The following DLG5 variants were observed in gnomAD, a reference collection of about 807,000 sequenced individuals.
The protein encoded by DLG5 is disks large homolog 5.
DLG5 carries 48 observed loss-of-function variants against 189.8 expected under a neutral mutation model. The ratio of observed to expected loss-of-function variants is 0.25; its 90% CI spans 0.20 to 0.32. The LOEUF (loss-of-function observed/expected upper bound fraction) is 0.32. DLG5 is among the 10% of genes least tolerant of loss of function. The pLI is 1.00. For missense variants in DLG5, 2,160 were observed against 2,544.7 expected (o/e 0.85, Z 3.25); for synonymous variants, 1,016 against 1,054.1 (o/e 0.96, Z 0.70).
chr10:77,890,662 C>A (rs554219349), intron 1 of DLG5, among the ~76,000 whole-genome samples: 1 of 152,294 alleles, frequency 6.6e-6, no homozygotes, highest in South Asian at 2.1e-4. Flanking sequence ...ACTAAAAATA[C>A]AAAATTAGCT....
intron 5 of DLG5, among the ~76,000 whole-genome samples, chr10:77,849,676 A>T (rs1188177851): frequency 1.3e-5 from 2 of 152,140 alleles, no homozygotes; most frequent in Non-Finnish European, 2.9e-5. Context: ...GAGAGCAGGG[A>T]ATGGGCTGCA....
In DLG5 at chr10:77,796,409, CAA is replaced by C; in HGVS notation, c.5308+40_5308+41del. On this transcript the variant is annotated intron_variant, in intron 28 of 31. Coordinates refer to ENST00000372391, the MANE Select transcript of DLG5 (RefSeq NM_004747.4). This position sits in a 1 kb window ranked among gnomAD's most constrained non-coding sequence, Gnocchi z 5.2. ...AGGCAGGTGGACAGGGACATAGAGACAAAGAGCCCAGTAGGCACAGAGGGTGC... is the reference window on the plus strand; with the variant it reads ...AGGCAGGTGGACAGGGACATAGAGACAGAGCCCAGTAGGCACAGAGGGTGC... 1 of 1,613,924 alleles carries C rather than the reference CAA, an allele frequency of 6.2e-7. No individual in the cohort carries two copies. The highest frequency in any genetic ancestry group is 8.5e-7 in the Non-Finnish European group (1 of 1,179,906).
chr10:77,889,945 T>A (rs1462055996), intron 1 of DLG5, among the ~76,000 whole-genome samples: 1 of 151,676 alleles, frequency 6.6e-6, no homozygotes, highest in Non-Finnish European at 1.5e-5. Context: ...GTGCAGAAGA[T>A]CCCAAAGCCA....
intron 1 of DLG5, among the ~76,000 whole-genome samples, chr10:77,883,691 CTTTTTTTTTT>C (rs36028891): frequency 3.1e-5 from 3 of 96,460 alleles, no homozygotes; most frequent in East Asian, 3.1e-4. Context: ...TAACATTGTT[CTTTTTTTTTT>C]TTTTTTTTTT....
chr10:77,797,428 C>T (rs1254372531), intron 27 of DLG5, among the ~76,000 whole-genome samples: 1 of 152,200 alleles, frequency 6.6e-6, no homozygotes, highest in Admixed American at 6.5e-5. Flanking sequence ...TTAAAAAGCA[C>T]ACACTTTAAC....
chr10:77,814,798 C>T (rs999815422), intron 20 of DLG5, among the ~76,000 whole-genome samples: 1 of 152,094 alleles, frequency 6.6e-6, no homozygotes, highest in African/African-American at 2.4e-5. Context: ...TGGTCTTGAA[C>T]TCCTGACCTC....
chr10:77,820,063 T>C, intron 15 of DLG5, 45 bp from the exon 16 acceptor site: 1 of 1,607,834 alleles, frequency 6.2e-7, no homozygotes, highest in Non-Finnish European at 8.5e-7. Flanking sequence ...GAGTGGAGTG[T>C]GGCCAGGCGC....
the DLG5 span, among the ~76,000 whole-genome samples, chr10:77,933,341 C>T: frequency 6.6e-6 from 1 of 151,888 alleles, no homozygotes; most frequent in Non-Finnish European, 1.5e-5. Context: ...GGCTGGAGTG[C>T]AATGGCGTGA....
At chr10:77,813,763 T>C (rs1297579308) in intron 20 of DLG5, among the ~76,000 whole-genome samples, 2 of 152,086 alleles carry the variant, frequency 1.3e-5, no homozygotes, top group Non-Finnish European at 2.9e-5. Flanking sequence ...AATAGAACAA[T>C]GATCTGAACC....
chr10:77,807,973 A>G, intron 24 of DLG5, 29 bp from the exon 25 acceptor site: 1 of 1,612,760 alleles, frequency 6.2e-7, no homozygotes, highest in Non-Finnish European at 8.5e-7. Context: ...GATGCATCAG[A>G]AGGCAGAAGC....
chr10:77,829,449 A>G lies in DLG5; in HGVS notation c.2091T>C (p.Asn697=). ...CGACCATGTTGATGGCCCCCTCCCC[A>G]TTGAGGAGCGCCTTGATGGCCTGCT... ...DKKQAIKALL[N]GEGAINMVVR... Residue 697 remains asparagine, a synonymous_variant, in exon 12 of 32, where the codon AAT becomes AAC. Coordinates refer to ENST00000372391, the MANE Select transcript of DLG5 (RefSeq NM_004747.4). The G allele has an allele frequency of 6.2e-7, 1 of 1,614,070 alleles. No homozygotes were observed. Among genetic ancestry groups the G allele is most frequent in the Non-Finnish European group, 8.5e-7 (1 of 1,180,006 alleles).
chr10:77,934,633 G>A, the DLG5 span, among the ~76,000 whole-genome samples: 1 of 152,074 alleles, frequency 6.6e-6, no homozygotes, highest in African/African-American at 2.4e-5. Flanking sequence ...AGCCAGCAAG[G>A]AGCCAGGAAC....
chr10:77,846,508 C>A (rs1240341776), intron 5 of DLG5, among the ~76,000 whole-genome samples: 1 of 152,050 alleles, frequency 6.6e-6, no homozygotes, highest in African/African-American at 2.4e-5. Context: ...ACCAGCCTGG[C>A]TAACATGGTG....
intron 1 of DLG5, among the ~76,000 whole-genome samples, chr10:77,918,730 T>C (rs1334454626): frequency 1.3e-5 from 2 of 152,064 alleles, no homozygotes; most frequent in African/African-American, 4.8e-5. Flanking sequence ...CCCAGCGCAA[T>C]CCCATTTAAG....
intron 1 of DLG5, among the ~76,000 whole-genome samples, chr10:77,875,993 C>G (rs1845075845): frequency 6.6e-6 from 1 of 152,024 alleles, no homozygotes; most frequent in South Asian, 2.1e-4. Flanking sequence ...TGGAATGGAG[C>G]AACCACAGAC....
At chr10:77,923,207 A>G (rs1158184677) in intron 1 of DLG5, among the ~76,000 whole-genome samples, 1 of 152,200 alleles carries the variant, frequency 6.6e-6, no homozygotes, top group Non-Finnish European at 1.5e-5. Context: ...AGGCTCCGCA[A>G]TGGCCTCGAA....
At position 77,812,377 on chromosome 10, in the gene DLG5, C is replaced by T; in HGVS notation, c.4026G>A (p.Arg1342=). Residue 1342 remains arginine, a splice_region_variant and synonymous_variant, in exon 21 of 32, where the codon AGG becomes AGA. Coordinates refer to ENST00000372391, the MANE Select transcript of DLG5 (RefSeq NM_004747.4). ...CGTGGCGTGGCTCCTCCACATAAGG[C>T]CTAAGGAAAAGTCAAAAGTTTCGGG... ...PASLGERRKD[R]PYVEEPRHVK... 1 of 1,604,792 alleles carries T rather than the reference C, an allele frequency of 6.2e-7. No individual in the cohort carries two copies. The highest frequency in any genetic ancestry group is 1.7e-5 in the Admixed American group (1 of 59,874).
chr10:77,823,876 G>A (rs1842489026), intron 14 of DLG5, among the ~76,000 whole-genome samples: 1 of 152,108 alleles, frequency 6.6e-6, no homozygotes, highest in Non-Finnish European at 1.5e-5. Context: ...AGGCTGGAGT[G>A]CAGTGGCACA....
intron 1 of DLG5, among the ~76,000 whole-genome samples, chr10:77,905,659 C>A (rs1389367911): frequency 5.3e-5 from 8 of 152,172 alleles, no homozygotes; most frequent in Non-Finnish European, 1.2e-4. Context: ...CCTGAGGTTG[C>A]CAGCTCAGCC....
Sources: allele counts gnomAD v4.1 joint callset (sites outside exome capture counted in the v4.1 genomes callset), GRCh38; gene constraint gnomAD v4.1.1; non-coding constraint Gnocchi (gnomAD v3.1); transcripts MANE v1.5; gene names NCBI Gene and HGNC (gene_info 2026-07-23, HGNC 2026-07-21).